The following ZBED6 variants were observed in gnomAD, a reference collection of about 807,000 sequenced individuals.
ZBED6 encodes zinc finger BED domain-containing protein 6.
ZBED6 carries 40 observed loss-of-function variants against 58.4 expected under a neutral mutation model. The ratio of observed to expected loss-of-function variants is 0.68; its 90% CI spans 0.53 to 0.89. The LOEUF (loss-of-function observed/expected upper bound fraction) is 0.89, where lower values mean the gene tolerates loss of function less well. Among genes scored for constraint, ZBED6 ranks in the 40% least tolerant of loss-of-function variants. ZBED6 has a pLI of 0.00. For missense variants in ZBED6, 1,057 were observed against 1,003.9 expected (o/e 1.05, Z -0.71); for synonymous variants, 439 against 350.6 (o/e 1.25, Z -2.82).
exon 1 of ZBED6, chr1:203,800,562 G>C (rs1233040245): frequency 9.1e-7 from 1 of 1,101,380 alleles, no homozygotes; most frequent in African/African-American, 1.6e-5. Context: ...AAACACATCT[G>C]GGGAAACCTG....
intron 11 of ZBED6, among the ~76,000 whole-genome samples, chr1:203,844,053 C>G (rs1277573679): frequency 6.6e-6 from 1 of 152,080 alleles, no homozygotes; most frequent in Non-Finnish European, 1.5e-5. Context: ...AACGGGGCTT[C>G]TCCATGTTGG....
At chr1:203,816,130 A>G (rs1326896486) in intron 1 of ZBED6, among the ~76,000 whole-genome samples, 1 of 152,212 alleles carries the variant, frequency 6.6e-6, no homozygotes, top group Non-Finnish European at 1.5e-5. Context: ...TTATGATTAT[A>G]TACTTTTGGA....
chr1:203,819,410 C>A (rs944541547), intron 3 of ZBED6, among the ~76,000 whole-genome samples: 14 of 150,316 alleles, frequency 9.3e-5, no homozygotes, highest in African/African-American at 3.4e-4. Context: ...TTAGTAGAGA[C>A]GGGGTTTTAC....
At chr1:203,815,216 C>CT (rs59254922) in intron 1 of ZBED6, among the ~76,000 whole-genome samples, 16 of 97,140 alleles carry the variant, frequency 1.6e-4, no homozygotes, top group African/African-American at 5.8e-4. Context: ...CTTTTCTTTT[C>CT]TTTTTTTTTT....
At chr1:203,814,312 TC>T (rs1309420509) in intron 1 of ZBED6, among the ~76,000 whole-genome samples, 1 of 152,086 alleles carries the variant, frequency 6.6e-6, no homozygotes, top group Admixed American at 6.6e-5. Context: ...TCATCTGAGG[TC>T]AGAAGTTCAA....
intron 11 of ZBED6, among the ~76,000 whole-genome samples, chr1:203,842,074 G>C (rs1385573739): frequency 1.3e-5 from 2 of 151,424 alleles, no homozygotes; most frequent in East Asian, 2.0e-4. Flanking sequence ...TCACTTCCTA[G>C]ACGGGATGGC....
chr1:203,821,207 C>A (rs1410654161), intron 3 of ZBED6, among the ~76,000 whole-genome samples: 1 of 152,156 alleles, frequency 6.6e-6, no homozygotes, highest in African/African-American at 2.4e-5. Context: ...CGCTCTCTTG[C>A]TGCCATGTAA....
At chr1:203,816,302 A>G (rs1287769692) in intron 1 of ZBED6, among the ~76,000 whole-genome samples, 2 of 152,202 alleles carry the variant, frequency 1.3e-5, no homozygotes, top group Non-Finnish European at 2.9e-5. Flanking sequence ...GCAAAAATAC[A>G]TATATACATA....
exon 1 of ZBED6, chr1:203,801,890 C>A (rs928186294): frequency 2.6e-5 from 4 of 151,962 alleles, no homozygotes; most frequent in African/African-American, 7.3e-5. Context: ...AAAAGTTTAC[C>A]CTTTTACTAA....
At chr1:203,835,865 C>A in intron 9 of ZBED6, 1 of 243,308 alleles carries the variant, frequency 4.1e-6, no homozygotes, top group East Asian at 1.0e-4. Flanking sequence ...TCCGGAGACC[C>A]CACTTATAGC....
At chr1:203,818,314 C>T (rs1677063514) in intron 2 of ZBED6, among the ~76,000 whole-genome samples, 1 of 149,692 alleles carries the variant, frequency 6.7e-6, no homozygotes, top group Non-Finnish European at 1.5e-5. Context: ...AACACTCCTA[C>T]TTGTCTTTTT....
At chr1:203,806,582 C>T (rs2102534168) in intron 1 of ZBED6, among the ~76,000 whole-genome samples, 2 of 152,312 alleles carry the variant, frequency 1.3e-5, no homozygotes, top group South Asian at 2.1e-4. Flanking sequence ...GGATTATAGG[C>T]ATGAGCCACC....
chr1:203,840,930 G>A (rs777913446), intron 11 of ZBED6, among the ~76,000 whole-genome samples: 1 of 151,948 alleles, frequency 6.6e-6, no homozygotes, highest in Non-Finnish European at 1.5e-5. Flanking sequence ...CACCGCACCC[G>A]GCTAAATAGT....
intron 3 of ZBED6, among the ~76,000 whole-genome samples, chr1:203,824,724 A>G (rs1041892521): frequency 4.6e-5 from 7 of 152,124 alleles, no homozygotes; most frequent in African/African-American, 1.4e-4. Flanking sequence ...TCCTAGGCCT[A>G]TTGCTCAAGT....
At chr1:203,799,928 T>C (rs1474806893) in exon 1 of ZBED6, 3 of 1,536,048 alleles carry the variant, frequency 2.0e-6, no homozygotes, top group Middle Eastern at 1.7e-4. Context: ...TCTGTAATTA[T>C]ATGGAATCTT....
chr1:203,797,679 A>C, exon 1 of ZBED6: 2 of 1,536,050 alleles, frequency 1.3e-6, no homozygotes, highest in Non-Finnish European at 1.7e-6. Context: ...AGAAGGAGTG[A>C]ATAAAGAGGC....
exon 17 of ZBED6, chr1:203,853,410 G>T (rs879172364): frequency 6.6e-6 from 1 of 152,532 alleles, no homozygotes; most frequent in Non-Finnish European, 1.5e-5. Flanking sequence ...CTCTGGGGGT[G>T]TATTGTATAC....
intron 2 of ZBED6, 104 bp from the exon 3 acceptor site, chr1:203,818,466 C>T (rs1677122116): frequency 6.8e-7 from 1 of 1,478,566 alleles, no homozygotes; most frequent in Admixed American, 1.9e-5. Context: ...CCAGTCCTTT[C>T]TTACTCATTT....
chr1:203,842,823 T>C (rs982219329), intron 11 of ZBED6, among the ~76,000 whole-genome samples: 1 of 151,722 alleles, frequency 6.6e-6, no homozygotes, highest in Non-Finnish European at 1.5e-5. Context: ...TTCTGTGTTA[T>C]AATTTTTAAA....
Sources: gnomAD v4.1 joint callset for allele counts (sites outside exome capture counted in the v4.1 genomes callset) on GRCh38, gnomAD v4.1.1 for gene constraint, MANE v1.5 for transcripts, NCBI Gene and HGNC (gene_info 2026-07-23, HGNC 2026-07-21) for gene names.